KIF6: variants seen among roughly 807,000 people sequenced by gnomAD.
The protein encoded by KIF6 is kinesin-like protein KIF6.
In KIF6, 106 loss-of-function variants were observed where a neutral mutation model predicts 112.7. The ratio of observed to expected loss-of-function variants is 0.94; its 90% CI spans 0.80 to 1.11. The LOEUF is 1.11. Among genes scored for constraint, KIF6 ranks in the 50% least tolerant of loss-of-function variants. The pLI, the probability that KIF6 is intolerant of heterozygous loss-of-function variation, is 0.00. For synonymous variants in KIF6, 339 were observed against 339.9 expected, an observed-to-expected ratio of 1.00 and a Z score of 0.03; for missense variants, 929 against 964.0, an observed-to-expected ratio of 0.96 and a Z score of 0.48.
rs1765041802 is a variant in KIF6 at position 39,360,479 on chromosome 6, G to A, written c.1998C>T (p.His666=). 6.2e-7 allele frequency: 1 copy of A among 1,613,708 alleles called. No individual in the cohort carries two copies. The highest frequency in any genetic ancestry group is 1.1e-5 in the South Asian group (1 of 91,032). The change falls in exon 18 of 23, where the codon CAC becomes CAT. Residue 666 remains histidine, a synonymous_variant. Transcript: ENST00000287152. ...RLKALKVEIE[H]LQLLMDKAKV... is the part of the protein sequence containing the mutation. Reference sequence around the variant, plus strand: ...TGGCTTTGTCCATGAGCAGCTGCAAGTGCTCGATCTCCACCTTCAGGGCTT... The same window carrying A: ...TGGCTTTGTCCATGAGCAGCTGCAAATGCTCGATCTCCACCTTCAGGGCTT...
intron 13 of KIF6, among the ~76,000 whole-genome samples, chr6:39,533,122 C>A (rs1778170138): frequency 6.6e-6 from 1 of 152,202 alleles, no homozygotes; most frequent in South Asian, 2.1e-4. Flanking sequence ...GTCTAAGGTA[C>A]TGGGTTCATC....
rs2150685523 is a variant in KIF6, at chr6:39,596,177, T to C, written c.723A>G (p.Val241=). 6.2e-7 allele frequency: 1 copy of C among 1,614,084 alleles called. No homozygotes were observed. Among genetic ancestry groups the C allele is most frequent in the Non-Finnish European group, 8.5e-7 (1 of 1,179,976 alleles). The change falls in exon 7 of 23, where the codon GTA becomes GTG. Residue 241 remains valine (V), a synonymous_variant. Transcript: ENST00000287152. ...CAACCAGATGGAGTTTGGCATGTCG[T>C]ACAGTTGCAGATCCTGGTTCCTTGC... ...LSSKEPGSAT[V]RHAKLHLVDL... is the part of the protein sequence containing the mutation.
intron 3 of KIF6, among the ~76,000 whole-genome samples, chr6:39,648,173 G>C (rs1294419145): frequency 1.5e-5 from 2 of 134,704 alleles, no homozygotes; most frequent in Admixed American, 1.8e-4. Flanking sequence ...ACAGGCAACT[G>C]CCACCATGCC....
chr6:39,672,730 CT>C (rs993614303), intron 3 of KIF6, among the ~76,000 whole-genome samples: 1 of 152,174 alleles, frequency 6.6e-6, no homozygotes, highest in Non-Finnish European at 1.5e-5. Flanking sequence ...AGAGAGGTTT[CT>C]CTTTCTCTCT....
intron 15 of KIF6, among the ~76,000 whole-genome samples, chr6:39,417,203 TGTCGTGATGGCAGGCTACTCCCTGAG>T (rs1244760330): frequency 6.6e-6 from 1 of 152,186 alleles, no homozygotes; most frequent in Non-Finnish European, 1.5e-5. Context: ...GTGTCTGAGA[TGTCGTGATGGCAGGCTACTCCCTGAG>T]GTCAAGCACC....
intron 13 of KIF6, among the ~76,000 whole-genome samples, chr6:39,453,597 T>G (rs890631927): frequency 6.6e-6 from 1 of 152,268 alleles, no homozygotes; most frequent in African/African-American, 2.4e-5. Context: ...ATGGCTATTT[T>G]TGTATGTTCC....
In KIF6 at chr6:39,358,052, G is replaced by T. The variant is rs191162572; in HGVS notation, c.2083-678C>A. ...CTTGTCCCAAAGACCCCCTACTAAA[G>T]TCAGGAGACATCCACCGAGCACTTT... On this transcript the variant is annotated intron_variant, in intron 18 of 22. Coordinates refer to ENST00000287152, the MANE Select transcript of KIF6 (RefSeq NM_145027.6). Among the ~76,000 whole-genome samples the T allele has an allele frequency of 4.5e-4, 68 of 152,292 alleles. No homozygotes were observed. In the Middle Eastern group the frequency reaches 0.014, roughly 30 times the overall value.
intron 13 of KIF6, among the ~76,000 whole-genome samples, chr6:39,511,127 C>A (rs1195051642): frequency 6.6e-6 from 1 of 152,064 alleles, no homozygotes; most frequent in African/African-American, 2.4e-5. Context: ...GACTTTAACA[C>A]CCCACTGTCA....
intron 3 of KIF6, among the ~76,000 whole-genome samples, chr6:39,647,018 G>GT (rs1258841000): frequency 1.3e-5 from 2 of 152,110 alleles, no homozygotes; most frequent in East Asian, 3.8e-4. Flanking sequence ...ACTCCTAACT[G>GT]TTTCACTTTC....
chr6:39,446,395 A>G (rs1477665195), intron 13 of KIF6, among the ~76,000 whole-genome samples: 1 of 152,210 alleles, frequency 6.6e-6, no homozygotes, highest in Non-Finnish European at 1.5e-5. Context: ...TTTAGCTCCA[A>G]GCTCACTGCC....
chr6:39,497,569 C>A (rs1435963988), intron 13 of KIF6, among the ~76,000 whole-genome samples: 1 of 152,104 alleles, frequency 6.6e-6, no homozygotes, highest in Non-Finnish European at 1.5e-5. Context: ...TCCTAACCAT[C>A]AGTCTAAGGC....
At position 39,343,859 on chromosome 6, in the gene KIF6, G is replaced by A; in HGVS notation, c.2322-44C>T. ...CACATTTTACTACACTTTACAACTG[G>A]ACTCACCACTTATATTTCCAAAATG... On this transcript the variant is annotated intron_variant, in intron 21 of 22. Transcript: ENST00000287152. The surrounding 1 kb of genome is among the most constrained non-coding windows in gnomAD (Gnocchi z 4.1). The A allele has an allele frequency of 8.7e-7, 1 of 1,142,982 alleles. No individual in the cohort carries two copies. Among genetic ancestry groups the A allele is most frequent in the Non-Finnish European group, 1.3e-6 (1 of 786,772 alleles). The allele number at this position is 1,142,982 out of a possible 1,614,324, so 70.8% of individuals were successfully genotyped here.
intron 18 of KIF6, among the ~76,000 whole-genome samples, chr6:39,359,834 G>C (rs1044362031): frequency 7.9e-5 from 12 of 152,184 alleles, no homozygotes; most frequent in African/African-American, 2.7e-4. Context: ...CCTGGGCTCA[G>C]GTGATCAGCC....
intron 11 of KIF6, among the ~76,000 whole-genome samples, chr6:39,545,195 C>T (rs1339140710): frequency 6.6e-6 from 1 of 152,162 alleles, no homozygotes; most frequent in Non-Finnish European, 1.5e-5. Flanking sequence ...ATTATATTCC[C>T]AGCCCCTTGT....
chr6:39,581,161 C>CTTTTTTTT (rs60321520), intron 9 of KIF6, among the ~76,000 whole-genome samples: 34 of 78,644 alleles, frequency 4.3e-4, no homozygotes, highest in African/African-American at 1.2e-3. Context: ...GCTTTACTTT[C>CTTTTTTTT]TTTTTTTTTT....
At chr6:39,573,509 T>C (rs1561823816) in intron 10 of KIF6, among the ~76,000 whole-genome samples, 1 of 152,198 alleles carries the variant, frequency 6.6e-6, no homozygotes, top group Non-Finnish European at 1.5e-5. Context: ...GCACTGTCAG[T>C]TGTGAACGAG....
chr6:39,583,868 C>T (rs1335950197), intron 9 of KIF6, among the ~76,000 whole-genome samples: 1 of 151,446 alleles, frequency 6.6e-6, no homozygotes, highest in Non-Finnish European at 1.5e-5. Flanking sequence ...TGTTGCATTT[C>T]ATTTACAGAA....
At chr6:39,681,943 C>T (rs1470854500) in intron 3 of KIF6, among the ~76,000 whole-genome samples, 1 of 144,664 alleles carries the variant, frequency 6.9e-6, no homozygotes, top group Non-Finnish European at 1.5e-5. Context: ...GGAAAATTCA[C>T]CATTTTTTTC....
At position 39,431,135 on chromosome 6, in the gene KIF6, A is replaced by T. The variant is rs1771125701; in HGVS notation, c.1672T>A (p.Cys558Ser). ...IGMREEMSLG[C>S]QEAFEIFKRD... ...TTGAAGATTTCAAAAGCCTCCTGGCATCCTAATGACATTTCCTCTCTCATT... is the reference window on the plus strand; with the variant it reads ...TTGAAGATTTCAAAAGCCTCCTGGCTTCCTAATGACATTTCCTCTCTCATT... The change falls in exon 14 of 23, where the codon TGC becomes AGC. Residue 558 changes from cysteine (C) to serine (S), a missense_variant. This residue lies in a region of KIF6 where 241 missense variants were observed against 301.4 expected (regional missense o/e 0.80). Coordinates refer to ENST00000287152, the MANE Select transcript of KIF6 (RefSeq NM_145027.6). 1 of 1,611,274 alleles carries T rather than the reference A, an allele frequency of 6.2e-7. No individual in the cohort carries two copies. Among genetic ancestry groups the T allele is most frequent in the Non-Finnish European group, 8.5e-7 (1 of 1,177,560 alleles).
Sources: allele counts gnomAD v4.1 joint callset (sites outside exome capture counted in the v4.1 genomes callset), GRCh38; gene constraint gnomAD v4.1.1; regional missense constraint gnomAD v4.1.1; non-coding constraint Gnocchi (gnomAD v3.1); transcripts MANE v1.5; gene names NCBI Gene and HGNC (gene_info 2026-07-23, HGNC 2026-07-21).